The following CTNNBL1 variants were observed in gnomAD, a reference collection of about 807,000 sequenced individuals.
The protein encoded by CTNNBL1 is catenin beta like 1.
CTNNBL1 carries 31 observed loss-of-function variants against 72.7 expected under a neutral mutation model. That is an observed-to-expected ratio of 0.43 (90% CI 0.32 to 0.58). The LOEUF (loss-of-function observed/expected upper bound fraction) is 0.58. CTNNBL1 is among the 20% of genes least tolerant of loss of function. The probability of loss-of-function intolerance (pLI) is 0.08; values close to 1 mark genes in which losing one functional copy is unlikely to be tolerated. For synonymous variants in CTNNBL1, 240 were observed against 267.3 expected (o/e 0.90, Z 1.00); for missense variants, 534 against 725.1 (o/e 0.74, Z 3.03).
chr20:37,757,528 G>A, intron 4 of CTNNBL1, 31 bp from the exon 5 acceptor site: 2 of 1,489,820 alleles, frequency 1.3e-6, no homozygotes, highest in South Asian at 1.1e-5. Flanking sequence ...TACCGTTTCA[G>A]TATGTGTGTT....
At position 37,815,952 on chromosome 20, in the gene CTNNBL1, C is replaced by T. The variant is rs148549399; in HGVS notation, c.1213+12904C>T. Among the ~76,000 whole-genome samples the T allele has an allele frequency of 5.3e-5, 8 of 152,242 alleles. No homozygotes were observed. In the East Asian group the frequency reaches 1.3e-3, roughly 26 times the overall value. On this transcript the variant is annotated intron_variant, in intron 11 of 15. Transcript: ENST00000361383. ...TGTAATATTGGATGTGATTTTTATA[C>T]GCAGCAGCCTGCAGGTTGCTGGGGA...
At chr20:37,718,155 A>G (rs551627381) in intron 1 of CTNNBL1, among the ~76,000 whole-genome samples, 1,963 of 149,574 alleles carry the variant, frequency 0.013, 40 homozygotes, top group African/African-American at 0.047. Context: ...GGCTGGGCAG[A>G]GGGGCTCCTG....
At chr20:37,864,643 C>T (rs914145348) in intron 15 of CTNNBL1, among the ~76,000 whole-genome samples, 34 of 152,178 alleles carry the variant, frequency 2.2e-4, no homozygotes, top group African/African-American at 8.0e-4. Flanking sequence ...ACTGTGGGCC[C>T]TCCTAGGGAA....
chr20:37,779,299 A>T lies in CTNNBL1; in HGVS notation c.995A>T (p.Lys332Met). Residue 332 changes from lysine (K) to methionine (M), a missense_variant, in exon 10 of 16, where the codon AAG becomes ATG. Transcript: ENST00000361383. ...MLSSNRERFL[K>M]GEGLQLMNLM... ...AGTTCCAATCGTGAGCGCTTCCTGA[A>T]GGGCGAGGGTCTTCAGCTGATGAAT... 1 of 1,613,756 alleles carries T rather than the reference A, an allele frequency of 6.2e-7. No homozygotes were observed. The highest frequency in any genetic ancestry group is 8.5e-7 in the Non-Finnish European group (1 of 1,179,728).
At chr20:37,716,589 G>T (rs1347843478) in intron 1 of CTNNBL1, among the ~76,000 whole-genome samples, 1 of 152,104 alleles carries the variant, frequency 6.6e-6, no homozygotes, top group Non-Finnish European at 1.5e-5. Flanking sequence ...TTGAGTTGAG[G>T]AAATAAAGTG....
chr20:37,698,058 T>C (rs1448095848), intron 1 of CTNNBL1, among the ~76,000 whole-genome samples: 1 of 152,216 alleles, frequency 6.6e-6, no homozygotes, highest in Non-Finnish European at 1.5e-5. Flanking sequence ...AACTGCAAAA[T>C]ATTACTTGCC....
At chr20:37,851,143 T>A (rs2072393452) in intron 13 of CTNNBL1, among the ~76,000 whole-genome samples, 1 of 152,144 alleles carries the variant, frequency 6.6e-6, no homozygotes, top group South Asian at 2.1e-4. Flanking sequence ...TACCACCTCC[T>A]TGTGTGTCTT....
intron 7 of CTNNBL1, among the ~76,000 whole-genome samples, chr20:37,775,507 C>T (rs1041714410): frequency 6.6e-6 from 1 of 152,212 alleles, no homozygotes; most frequent in African/African-American, 2.4e-5. Context: ...CCCCAGTTGC[C>T]ACAGCGCAAA....
chr20:37,810,989 A>G (rs1313537470), intron 11 of CTNNBL1, among the ~76,000 whole-genome samples: 2 of 152,248 alleles, frequency 1.3e-5, no homozygotes, highest in African/African-American at 4.8e-5. Flanking sequence ...TACAGAAATC[A>G]AGTGCTTAGC....
intron 13 of CTNNBL1, among the ~76,000 whole-genome samples, chr20:37,852,316 A>G (rs1456099847): frequency 6.6e-6 from 1 of 152,190 alleles, no homozygotes; most frequent in East Asian, 1.9e-4. Flanking sequence ...TCATATTCCC[A>G]TTTGAAGCGT....
At chr20:37,749,229 A>G (rs780062353) in intron 4 of CTNNBL1, among the ~76,000 whole-genome samples, 1 of 152,190 alleles carries the variant, frequency 6.6e-6, no homozygotes, top group Non-Finnish European at 1.5e-5. Context: ...GTTACCCTGT[A>G]TATTATTAGT....
intron 11 of CTNNBL1, among the ~76,000 whole-genome samples, chr20:37,829,342 C>T (rs750150282): frequency 2.6e-5 from 4 of 152,160 alleles, no homozygotes; most frequent in Non-Finnish European, 5.9e-5. Context: ...GGACCATCTC[C>T]ATCCTAAGAA....
chr20:37,790,879 C>T (rs920957911), intron 10 of CTNNBL1, among the ~76,000 whole-genome samples: 1 of 152,200 alleles, frequency 6.6e-6, no homozygotes, highest in African/African-American at 2.4e-5. Context: ...ATTTGTCACA[C>T]CCAAATGTTT....
At chr20:37,857,302 T>C (rs547295214) in intron 13 of CTNNBL1, among the ~76,000 whole-genome samples, 164 of 152,340 alleles carry the variant, frequency 1.1e-3, no homozygotes, top group African/African-American at 3.8e-3. Context: ...TAAATGAAGC[T>C]AGGAATTAGT....
chr20:37,754,614 A>G (rs752807160), intron 4 of CTNNBL1, among the ~76,000 whole-genome samples: 30 of 152,120 alleles, frequency 2.0e-4, no homozygotes, highest in Non-Finnish European at 3.8e-4. Context: ...TTACTAATTT[A>G]TGGTGGAATT....
At chr20:37,723,053 A>G (rs1351825954) in intron 1 of CTNNBL1, among the ~76,000 whole-genome samples, 1 of 152,232 alleles carries the variant, frequency 6.6e-6, no homozygotes, top group East Asian at 1.9e-4. Context: ...TGATAAAGAA[A>G]CCGAATCAAC....
intron 10 of CTNNBL1, among the ~76,000 whole-genome samples, chr20:37,790,485 C>CT (rs2073714743): frequency 6.6e-6 from 1 of 152,190 alleles, no homozygotes; most frequent in Non-Finnish European, 1.5e-5. Flanking sequence ...GCAGATCTTG[C>CT]TTGTTTGTCT....
At chr20:37,821,570 A>G (rs1020727367) in intron 11 of CTNNBL1, among the ~76,000 whole-genome samples, 2 of 152,172 alleles carry the variant, frequency 1.3e-5, no homozygotes, top group African/African-American at 2.4e-5. Context: ...CTTAGACATC[A>G]TGTAATTTTA....
intron 11 of CTNNBL1, among the ~76,000 whole-genome samples, chr20:37,819,436 A>G (rs993674189): frequency 6.6e-6 from 1 of 152,182 alleles, no homozygotes; most frequent in Non-Finnish European, 1.5e-5. Context: ...TACCTGCCTC[A>G]TTATGAATAG....
Sources: gnomAD v4.1 joint callset for allele counts (sites outside exome capture counted in the v4.1 genomes callset) on GRCh38, gnomAD v4.1.1 for gene constraint, MANE v1.5 for transcripts, NCBI Gene and HGNC (gene_info 2026-07-23, HGNC 2026-07-21) for gene names.